ABCB5: variants seen among roughly 807,000 people sequenced by gnomAD.
ABCB5 encodes the protein ATP binding cassette subfamily B member 5.
Under a neutral mutation model 144.2 loss-of-function variants are expected in ABCB5, and 155 were observed. The ratio of observed to expected loss-of-function variants is 1.08; its 90% confidence interval spans 0.94 to 1.23. The LOEUF (loss-of-function observed/expected upper bound fraction) is 1.23, where lower values mean the gene tolerates loss of function less well. Ranked by LOEUF, ABCB5 falls within the 50% of genes most tolerant of loss-of-function variation. ABCB5 has a pLI of 0.00. For missense variants in ABCB5, 1,830 were observed against 1,520.8 expected, an observed-to-expected ratio of 1.20 and a Z score of -3.38; for synonymous variants, 610 against 528.6, an observed-to-expected ratio of 1.15 and a Z score of -2.11.
Position 20,648,067 on chromosome 7 carries a change from C to G in ABCB5, c.1195C>G (p.Pro399Ala). ...TGTTTCTTTCAATTATCCATCAAGA[C>G]CATCTATCAAGGTAGGTTAAAACAA... ...KNVSFNYPSR[P>A]SIKILKGLNL... The change falls in exon 11 of 28, where the codon CCA (proline) becomes GCA (alanine). Residue 399 changes from proline to alanine, a missense_variant. Transcript: ENST00000404938. 1 of 1,590,348 alleles carries G rather than the reference C, an allele frequency of 6.3e-7. No individual in the cohort carries two copies. Among genetic ancestry groups the G allele is most frequent in the Non-Finnish European group, 8.6e-7 (1 of 1,159,650 alleles).
intron 1 of ABCB5, among the ~76,000 whole-genome samples, chr7:20,616,821 G>A (rs935864501): frequency 4.6e-4 from 70 of 152,304 alleles, no homozygotes; most frequent in African/African-American, 1.6e-3. Flanking sequence ...TAGTCAACCT[G>A]TAGCTTTCCA....
At chr7:20,646,230 G>A (rs1784405714) in intron 9 of ABCB5, 92 bp downstream of exon 9, 2 of 1,230,736 alleles carry the variant, frequency 1.6e-6, no homozygotes, top group African/African-American at 1.5e-5. Flanking sequence ...AATATTCAAA[G>A]ATGGATGTTT....
chr7:20,715,609 A>T (rs1390912002), intron 20 of ABCB5, among the ~76,000 whole-genome samples: 1 of 151,476 alleles, frequency 6.6e-6, no homozygotes, highest in African/African-American at 2.4e-5. Flanking sequence ...AGAGTCTTGC[A>T]TGGTTGCCTA....
At position 20,745,416 on chromosome 7, in the gene ABCB5, C is replaced by A. The variant is rs1004816440; in HGVS notation, c.3407C>A (p.Ser1136Tyr). 4 of 1,614,142 alleles carry A rather than the reference C, an allele frequency of 2.5e-6. No homozygotes were observed. Among genetic ancestry groups the A allele is most frequent in the Non-Finnish European group, 3.4e-6 (4 of 1,180,024 alleles). Reference sequence around the variant, plus strand: ...GCCGCAAATGCAGCAAATATCCATTCTTTTATTGAAGGTCTCCCTGAGGTA... The same window carrying A: ...GCCGCAAATGCAGCAAATATCCATTATTTTATTGAAGGTCTCCCTGAGGTA... ...KEAANAANIH[S>Y]FIEGLPEKYN... The change falls in exon 26 of 28, where the codon TCT (serine) becomes TAT (tyrosine). Residue 1136 changes from serine to tyrosine, a missense_variant. Coordinates refer to ENST00000404938, the MANE Select transcript of ABCB5 (RefSeq NM_001163941.2).
At chr7:20,637,327 T>C (rs1784180844) in intron 5 of ABCB5, among the ~76,000 whole-genome samples, 2 of 152,174 alleles carry the variant, frequency 1.3e-5, no homozygotes, top group East Asian at 1.9e-4. Context: ...GAATCTTTTC[T>C]TGCTGACTCC....
intron 4 of ABCB5, among the ~76,000 whole-genome samples, chr7:20,630,766 T>A (rs1177789928): frequency 6.6e-6 from 1 of 152,148 alleles, no homozygotes; most frequent in Non-Finnish European, 1.5e-5. Context: ...ATGCTTTTTG[T>A]TAAGTTTATT....
At chr7:20,669,168 C>T (rs1228314940) in intron 14 of ABCB5, among the ~76,000 whole-genome samples, 4 of 149,202 alleles carry the variant, frequency 2.7e-5, no homozygotes, top group Non-Finnish European at 3.0e-5. Flanking sequence ...TCTGCCCGGC[C>T]GCCCCTACTG....
chr7:20,690,223 G>A (rs1010686196), intron 16 of ABCB5, among the ~76,000 whole-genome samples: 1 of 152,154 alleles, frequency 6.6e-6, no homozygotes, highest in African/African-American at 2.4e-5. Flanking sequence ...ACCAGTATTT[G>A]TGACATCACG....
intron 2 of ABCB5, among the ~76,000 whole-genome samples, chr7:20,624,299 G>A (rs1435158787): frequency 6.6e-6 from 1 of 152,168 alleles, no homozygotes; most frequent in Non-Finnish European, 1.5e-5. Context: ...TTGGGTTCTG[G>A]CGTCAGACTG....
intron 20 of ABCB5, among the ~76,000 whole-genome samples, chr7:20,718,062 T>C (rs1179292847): frequency 1.4e-5 from 2 of 147,930 alleles, no homozygotes; most frequent in Non-Finnish European, 3.0e-5. Flanking sequence ...CCACCACGCC[T>C]GGCTAATTTT....
At chr7:20,629,037 A>AAAATAAAT (rs201079745) in intron 4 of ABCB5, among the ~76,000 whole-genome samples, 199 bp downstream of exon 4, 5 of 152,104 alleles carry the variant, frequency 3.3e-5, no homozygotes, top group African/African-American at 9.6e-5. Flanking sequence ...TAATTGAATT[A>AAAATAAAT]AAATAAATAA....
At position 20,739,246 on chromosome 7, in the gene ABCB5, A is replaced by G; in HGVS notation, c.3024+107A>G. 3.5e-6 allele frequency: 4 copies of G among 1,154,378 alleles called. No individual in the cohort carries two copies. The South Asian group carries it at 5.1e-5, about 15-fold the overall frequency. 71.5% of individuals were successfully genotyped at this position (1,154,378 alleles called of 1,614,324 possible). A position where few individuals can be genotyped will look rare whatever the true frequency, so the allele number is the denominator to read the frequency against. ...AGGGGCAAGGGCTGAAAAACTAACC[A>G]TTGGGTGCTATACTCAGTACCTGTG... On this transcript the variant is annotated intron_variant, in intron 24 of 27. Coordinates refer to ENST00000404938, the MANE Select transcript of ABCB5 (RefSeq NM_001163941.2).
At chr7:20,680,288 G>C (rs193256652) in intron 14 of ABCB5, among the ~76,000 whole-genome samples, 1 of 152,288 alleles carries the variant, frequency 6.6e-6, no homozygotes, top group East Asian at 1.9e-4. Flanking sequence ...GGCCGAGCGC[G>C]GTGGTCACGC....
chr7:20,663,380 G>A (rs554827751), intron 14 of ABCB5, among the ~76,000 whole-genome samples: 25 of 151,974 alleles, frequency 1.6e-4, no homozygotes, highest in African/African-American at 5.3e-4. Context: ...AAGAAAATGT[G>A]GTATATACAT....
Position 20,704,743 on chromosome 7 carries a change from A to G in ABCB5, c.2357A>G (p.Glu786Gly), listed in dbSNP as rs1243646031. The change falls in exon 20 of 28, where the codon GAA (glutamate) becomes GGA (glycine). Residue 786 changes from glutamate to glycine, a missense_variant. Coordinates refer to ENST00000404938, the MANE Select transcript of ABCB5 (RefSeq NM_001163941.2). ...CTCTAGGATATTGCCTGGTTTGATG[A>G]AAAGGAAAACAGCACAGGAGGCTTG... The part of the protein sequence containing the change: ...MLYQDIAWFD[E>G]KENSTGGLTT... 1.9e-6 allele frequency: 3 copies of G among 1,613,614 alleles called. No individual in the cohort carries two copies. The highest frequency in any genetic ancestry group is 2.5e-6 in the Non-Finnish European group (3 of 1,179,800).
At chr7:20,728,807 G>A (rs1782121375) in intron 23 of ABCB5, among the ~76,000 whole-genome samples, 1 of 152,092 alleles carries the variant, frequency 6.6e-6, no homozygotes, top group Non-Finnish European at 1.5e-5. Context: ...TTGTAAGGGG[G>A]TCATGTACTT....
At chr7:20,673,211 T>C (rs1176736585) in intron 14 of ABCB5, among the ~76,000 whole-genome samples, 2 of 152,092 alleles carry the variant, frequency 1.3e-5, no homozygotes, top group African/African-American at 4.8e-5. Context: ...TAGTAAATGT[T>C]TTGTGTACAC....
At chr7:20,647,090 G>A (rs879450135) in intron 9 of ABCB5, among the ~76,000 whole-genome samples, 3 of 152,058 alleles carry the variant, frequency 2.0e-5, no homozygotes, top group Admixed American at 6.6e-5. Flanking sequence ...ATTCAAAAAC[G>A]GTTTGAGTGA....
intron 1 of ABCB5, among the ~76,000 whole-genome samples, chr7:20,620,726 A>C (rs1783789849): frequency 6.6e-6 from 1 of 152,146 alleles, no homozygotes; most frequent in South Asian, 2.1e-4. Context: ...TCTATTGTCC[A>C]TTAATCAGAA....
Sources: allele counts gnomAD v4.1 joint callset (sites outside exome capture counted in the v4.1 genomes callset), GRCh38; gene constraint gnomAD v4.1.1; transcripts MANE v1.5; gene names NCBI Gene and HGNC (gene_info 2026-07-23, HGNC 2026-07-21).